The following DEFB108B variants were observed in gnomAD, a reference collection of about 807,000 sequenced individuals.
DEFB108B encodes the protein beta-defensin 108B.
Under a neutral mutation model 2.4 loss-of-function variants are expected in DEFB108B, and 3 were observed. The ratio of observed to expected loss-of-function variants is 1.25; its 90% CI spans 0.57 to 3.24. The LOEUF (loss-of-function observed/expected upper bound fraction) is 3.24, where lower values mean the gene tolerates loss of function less well. Ranked by LOEUF, DEFB108B falls within the 30% of genes most tolerant of loss-of-function variation. The pLI is 0.03. For missense variants in DEFB108B, 101 were observed against 87.8 expected, an observed-to-expected ratio of 1.15 and a Z score of -0.60; for synonymous variants, 25 against 28.7, an observed-to-expected ratio of 0.87 and a Z score of 0.41.
intron 1 of DEFB108B, among the ~76,000 whole-genome samples, chr11:71,836,850 C>T (rs890285148): frequency 4.6e-5 from 7 of 152,118 alleles, no homozygotes; most frequent in Non-Finnish European, 1.0e-4. Flanking sequence ...AAAATATCCT[C>T]TCTAACAATT....
chr11:71,834,466 G>T (rs2121250586), intron 1 of DEFB108B, among the ~76,000 whole-genome samples: 1 of 152,132 alleles, frequency 6.6e-6, no homozygotes, highest in Middle Eastern at 3.4e-3. Context: ...TCCAAATTTG[G>T]ATAAACAAAT....
chr11:71,836,540 A>G (rs1952219861), intron 1 of DEFB108B, among the ~76,000 whole-genome samples: 1 of 152,226 alleles, frequency 6.6e-6, no homozygotes, highest in African/African-American at 2.4e-5. Flanking sequence ...AAGGCTGCTC[A>G]GAATTAAAAC....
intron 1 of DEFB108B, among the ~76,000 whole-genome samples, chr11:71,835,401 C>T (rs576938949): frequency 6.6e-6 from 1 of 152,170 alleles, no homozygotes; most frequent in Admixed American, 6.5e-5. Context: ...ATCCATGTTA[C>T]TGAAAAAGAC....
chr11:71,834,549 C>T (rs7944189), intron 1 of DEFB108B, among the ~76,000 whole-genome samples: 2 of 151,898 alleles, frequency 1.3e-5, no homozygotes, highest in African/African-American at 4.8e-5. Flanking sequence ...CAGGCAGAAG[C>T]ATTACTCACA....
At chr11:71,834,946 C>T (rs557021523) in intron 1 of DEFB108B, 1 of 152,140 alleles carries the variant, frequency 6.6e-6, no homozygotes, top group East Asian at 1.9e-4. Flanking sequence ...ACATAGTGTC[C>T]ACAATATGCA....
chr11:71,837,203 A>C, intron 1 of DEFB108B, 196 bp from the exon 2 acceptor site: 1 of 709,644 alleles, frequency 1.4e-6, no homozygotes, highest in Non-Finnish European at 2.3e-6. Context: ...CAGATTTTTC[A>C]AGAACACCAA....
chr11:71,835,920 G>C (rs1952213511), intron 1 of DEFB108B, among the ~76,000 whole-genome samples: 1 of 152,222 alleles, frequency 6.6e-6, no homozygotes, highest in Non-Finnish European at 1.5e-5. Flanking sequence ...ATTGAGGTCA[G>C]ATGAGAAAAC....
chr11:71,835,735 C>T (rs2085527413), intron 1 of DEFB108B, among the ~76,000 whole-genome samples: 1 of 152,100 alleles, frequency 6.6e-6, no homozygotes, highest in African/African-American at 2.4e-5. Flanking sequence ...CCGAGAGTAA[C>T]AACAAATTTC....
rs1285313710 is a variant in DEFB108B, at chr11:71,837,443, T to C, written c.103T>C (p.Cys35Arg). The part of the protein sequence containing the change: ...KEICERPNGS[C>R]RDFCLETEIH... ...GATCTGTGAACGTCCAAATGGCTCC[T>C]GTCGGGACTTTTGCCTTGAAACAGA... Residue 35 changes from cysteine to arginine, a missense_variant, in exon 2 of 2, where the codon TGT becomes CGT. By Grantham distance (180) the Cys-to-Arg change is radical (BLOSUM62 -3). Coordinates refer to ENST00000328698, the MANE Select transcript of DEFB108B (RefSeq NM_001002035.2). The C allele has an allele frequency of 6.2e-7, 1 of 1,611,916 alleles. No homozygotes were observed. Among genetic ancestry groups the C allele is most frequent in the African/African-American group, 1.3e-5 (1 of 74,868 alleles).
At chr11:71,836,762 A>G (rs1952221708) in intron 1 of DEFB108B, among the ~76,000 whole-genome samples, 1 of 152,236 alleles carries the variant, frequency 6.6e-6, no homozygotes. Context: ...TAGTGAGTGA[A>G]GTCTCAGGGT....
At chr11:71,836,898 C>G (rs970828316) in intron 1 of DEFB108B, 1 of 151,918 alleles carries the variant, frequency 6.6e-6, no homozygotes, top group African/African-American at 2.4e-5. Context: ...TTCAGTTCTA[C>G]TTTTGAAAGA....
At position 71,833,209 on chromosome 11, in the gene DEFB108B, G is replaced by A. The variant is rs1475903617; in HGVS notation, c.10G>A (p.Ala4Thr). The change falls in exon 1 of 2, where the codon GCT becomes ACT. Residue 4 changes from alanine to threonine, a missense_variant. Physicochemically the swap from Ala to Thr is moderately conservative, Grantham distance 58 (BLOSUM62 0). Transcript: ENST00000328698. MRIAVLLFAIFFFM... is the reference protein window; with the variant it reads MRITVLLFAIFFFM... ...TTTTCTTTCTTCAGCCATGAGGATTGCTGTCCTCCTCTTCGCCATTTTCTT... is the reference window on the plus strand; with the variant it reads ...TTTTCTTTCTTCAGCCATGAGGATTACTGTCCTCCTCTTCGCCATTTTCTT... 1 of 1,598,510 alleles carries A rather than the reference G, an allele frequency of 6.3e-7. No homozygotes were observed. The highest frequency in any genetic ancestry group is 1.1e-5 in the South Asian group (1 of 89,124).
chr11:71,836,055 G>A (rs1952214545), intron 1 of DEFB108B, among the ~76,000 whole-genome samples: 1 of 152,164 alleles, frequency 6.6e-6, no homozygotes, highest in Non-Finnish European at 1.5e-5. Context: ...GACTCTTCCA[G>A]CTGCAAAGGG....
intron 1 of DEFB108B, among the ~76,000 whole-genome samples, chr11:71,835,018 T>C (rs1325832377): frequency 1.3e-5 from 2 of 152,242 alleles, no homozygotes; most frequent in Non-Finnish European, 2.9e-5. Context: ...TCCCTAATGT[T>C]ACTTGAATTC....
chr11:71,836,528 C>G (rs192672252), intron 1 of DEFB108B, among the ~76,000 whole-genome samples: 1 of 152,148 alleles, frequency 6.6e-6, no homozygotes, highest in African/African-American at 2.4e-5. Context: ...GTGTTACATA[C>G]AAAGGCTGCT....
chr11:71,836,347 G>A (rs1411647576), intron 1 of DEFB108B, among the ~76,000 whole-genome samples: 7 of 152,060 alleles, frequency 4.6e-5, no homozygotes, highest in Non-Finnish European at 8.8e-5. Context: ...GGAACCTAAT[G>A]CATTTGGATT....
intron 1 of DEFB108B, among the ~76,000 whole-genome samples, chr11:71,835,059 T>TA (rs1952207430): frequency 6.6e-6 from 1 of 152,046 alleles, no homozygotes; most frequent in Non-Finnish European, 1.5e-5. Context: ...ATCATAATTT[T>TA]AAAAAGCCCT....
At chr11:71,833,620 G>A (rs934675794) in intron 1 of DEFB108B, among the ~76,000 whole-genome samples, 1 of 152,232 alleles carries the variant, frequency 6.6e-6, no homozygotes, top group African/African-American at 2.4e-5. Context: ...TGGCATAAGA[G>A]CTATGCCAAA....
intron 1 of DEFB108B, chr11:71,834,743 G>C (rs1344747366): frequency 6.6e-6 from 1 of 152,254 alleles, no homozygotes; most frequent in Non-Finnish European, 1.5e-5. Flanking sequence ...GTGGAAAATA[G>C]AATGAGGCTC....
Sources: allele counts gnomAD v4.1 joint callset (sites outside exome capture counted in the v4.1 genomes callset), GRCh38; gene constraint gnomAD v4.1.1; transcripts MANE v1.5; gene names NCBI Gene and HGNC (gene_info 2026-07-23, HGNC 2026-07-21).